The following SIL1 variants were observed in gnomAD, a reference collection of about 807,000 sequenced individuals.
The protein encoded by SIL1 is SIL1 nucleotide exchange factor.
Under a neutral mutation model 49.1 loss-of-function variants are expected in SIL1, and 40 were observed. That is an observed-to-expected ratio of 0.81 (90% CI 0.63 to 1.06). The LOEUF is 1.06. Ranked by LOEUF, SIL1 falls within the 50% of genes least tolerant of loss-of-function variation. The pLI, the probability that SIL1 is intolerant of heterozygous loss-of-function variation, is 0.00. For synonymous variants in SIL1, 253 were observed against 250.8 expected, an observed-to-expected ratio of 1.01 and a Z score of -0.08; for missense variants, 500 against 572.6, an observed-to-expected ratio of 0.87 and a Z score of 1.29.
At chr5:139,016,322 A>G (rs1345182481) in intron 7 of SIL1, among the ~76,000 whole-genome samples, 1 of 152,230 alleles carries the variant, frequency 6.6e-6, no homozygotes, top group Non-Finnish European at 1.5e-5. Context: ...TTTGTGAAAC[A>G]ATAATGAGTT....
intron 7 of SIL1, among the ~76,000 whole-genome samples, chr5:138,992,558 C>G (rs1767780642): frequency 1.3e-5 from 2 of 152,174 alleles, no homozygotes; most frequent in Non-Finnish European, 2.9e-5. Flanking sequence ...GAGTCCAGTA[C>G]TCTCTTGGTA....
At chr5:139,120,318 G>A (rs1227729282) in intron 3 of SIL1, among the ~76,000 whole-genome samples, 2 of 152,076 alleles carry the variant, frequency 1.3e-5, no homozygotes, top group African/African-American at 2.4e-5. Context: ...TGGGGTCAAT[G>A]GCATAGGGCA....
intron 1 of SIL1, among the ~76,000 whole-genome samples, chr5:139,154,493 C>T (rs1303361654): frequency 6.6e-6 from 1 of 152,224 alleles, no homozygotes; most frequent in Non-Finnish European, 1.5e-5. Context: ...CCCTGTGAGC[C>T]AAGAGCCATG....
intron 8 of SIL1, 120 bp downstream of exon 8, chr5:138,951,668 C>G (rs1766781406): frequency 1.0e-6 from 1 of 980,654 alleles, no homozygotes; most frequent in Non-Finnish European, 1.6e-6. Context: ...CCCCCTGTGC[C>G]ACCCAGCAGA....
intron 3 of SIL1, among the ~76,000 whole-genome samples, chr5:139,102,587 T>C (rs1032960124): frequency 1.3e-5 from 2 of 151,832 alleles, no homozygotes; most frequent in African/African-American, 4.8e-5. Context: ...CTGCTGAAAG[T>C]ATCCTACTTC....
intron 1 of SIL1, among the ~76,000 whole-genome samples, chr5:139,149,623 A>G (rs982105823): frequency 6.6e-6 from 1 of 152,248 alleles, no homozygotes; most frequent in Non-Finnish European, 1.5e-5. Flanking sequence ...ACTCTGAGGC[A>G]GAAGACAACA....
intron 1 of SIL1, among the ~76,000 whole-genome samples, chr5:139,169,723 C>T (rs923847111): frequency 3.3e-5 from 5 of 151,988 alleles, no homozygotes; most frequent in African/African-American, 1.2e-4. Flanking sequence ...CCTCATGATC[C>T]ACCCACCTTG....
intron 3 of SIL1, among the ~76,000 whole-genome samples, chr5:139,057,507 G>GGC (rs1769481712): frequency 6.6e-6 from 1 of 151,844 alleles, no homozygotes; most frequent in Non-Finnish European, 1.5e-5. Flanking sequence ...GGCAGTCAGA[G>GGC]GCCGCAGGCT....
At chr5:138,959,616 C>T (rs1766974381) in intron 7 of SIL1, among the ~76,000 whole-genome samples, 2 of 152,254 alleles carry the variant, frequency 1.3e-5, no homozygotes. Context: ...TCCCCTCTCA[C>T]AACGTGGCCT....
intron 1 of SIL1, among the ~76,000 whole-genome samples, chr5:139,130,315 A>G (rs1446388349): frequency 6.6e-6 from 1 of 152,196 alleles, no homozygotes; most frequent in East Asian, 1.9e-4. Context: ...AAATGGGCAA[A>G]GGACTTGAAT....
At chr5:139,071,079 A>G (rs1581077103) in intron 3 of SIL1, among the ~76,000 whole-genome samples, 1 of 152,146 alleles carries the variant, frequency 6.6e-6, no homozygotes, top group East Asian at 1.9e-4. Context: ...GATCCAGCTG[A>G]CAATTTGCAA....
intron 1 of SIL1, among the ~76,000 whole-genome samples, chr5:139,176,885 T>C (rs1169523925): frequency 2.0e-5 from 3 of 151,138 alleles, no homozygotes; most frequent in Non-Finnish European, 4.4e-5. Flanking sequence ...GCAAAGTAAA[T>C]AGTCCAAGGT....
intron 7 of SIL1, among the ~76,000 whole-genome samples, chr5:138,999,751 T>G (rs1767947876): frequency 6.6e-6 from 1 of 152,188 alleles, no homozygotes; most frequent in African/African-American, 2.4e-5. Flanking sequence ...GTTTTTTTTG[T>G]GGAGTCTTTA....
chr5:139,166,936 G>A (rs1228745097), intron 1 of SIL1, among the ~76,000 whole-genome samples: 1 of 151,516 alleles, frequency 6.6e-6, no homozygotes. Context: ...AGCCTCCCAA[G>A]TAGCTGGGAA....
chr5:139,103,874 A>T (rs923947931), intron 3 of SIL1, among the ~76,000 whole-genome samples: 1 of 152,178 alleles, frequency 6.6e-6, no homozygotes, highest in Non-Finnish European at 1.5e-5. Flanking sequence ...AGATCTTGTC[A>T]TTGCCAAGCC....
At chr5:139,014,382 A>G (rs1296383169) in intron 7 of SIL1, among the ~76,000 whole-genome samples, 2 of 151,914 alleles carry the variant, frequency 1.3e-5, no homozygotes, top group African/African-American at 2.4e-5. Context: ...AAAAAAAAAA[A>G]AGAGTCAGTT....
chr5:138,979,074 A>ATTTT (rs565854209), intron 7 of SIL1, among the ~76,000 whole-genome samples: 1 of 134,872 alleles, frequency 7.4e-6, no homozygotes, highest in African/African-American at 3.6e-5. Flanking sequence ...ATTTTATTTT[A>ATTTT]TTTTTTTTTT....
At chr5:139,040,114 A>T (rs1377317072) in intron 5 of SIL1, among the ~76,000 whole-genome samples, 1 of 152,244 alleles carries the variant, frequency 6.6e-6, no homozygotes, top group Non-Finnish European at 1.5e-5. Flanking sequence ...CTAACAAGAC[A>T]CCACATAGGC....
At chr5:139,056,419 G>C (rs1008823736) in intron 3 of SIL1, among the ~76,000 whole-genome samples, 4 of 150,194 alleles carry the variant, frequency 2.7e-5, no homozygotes, top group African/African-American at 4.9e-5. Flanking sequence ...GAGAAGTGAG[G>C]AGCCCCTCCG....
Sources: gnomAD v4.1 joint callset for allele counts (sites outside exome capture counted in the v4.1 genomes callset) on GRCh38, gnomAD v4.1.1 for gene constraint, MANE v1.5 for transcripts, NCBI Gene and HGNC (gene_info 2026-07-23, HGNC 2026-07-21) for gene names.